Variants in MARK2 observed in about 807,000 individuals in gnomAD.
MARK2 encodes the protein serine/threonine-protein kinase MARK2.
MARK2 carries 16 observed loss-of-function variants against 89.8 expected under a neutral mutation model. The observed-to-expected ratio is 0.18, with a 90% CI of 0.12 to 0.27. The LOEUF is 0.27. MARK2 is among the 10% of genes least tolerant of loss of function. The pLI is 1.00. For missense variants in MARK2, 621 were observed against 1,049.9 expected (o/e 0.59, Z 5.65); for synonymous variants, 382 against 399.5 (o/e 0.96, Z 0.52).
chr11:63,864,896 C>T (rs1938040184), intron 1 of MARK2, among the ~76,000 whole-genome samples: 1 of 151,990 alleles, frequency 6.6e-6, no homozygotes, highest in African/African-American at 2.4e-5. Context: ...CAATTATGTG[C>T]CTTTTTTCTT....
At chr11:63,882,359 G>T (rs952380349) in intron 1 of MARK2, among the ~76,000 whole-genome samples, 1 of 152,066 alleles carries the variant, frequency 6.6e-6, no homozygotes, top group African/African-American at 2.4e-5. Flanking sequence ...CGAGCTGGGC[G>T]GATCACCTGA....
intron 17 of MARK2, among the ~76,000 whole-genome samples, chr11:63,906,885 C>G (rs1442613683): frequency 4.7e-5 from 7 of 149,186 alleles, no homozygotes; most frequent in Non-Finnish European, 3.0e-5. Flanking sequence ...CTCCTCTAGG[C>G]TGTTTTCTCC....
At chr11:63,865,324 G>A (rs1227365998) in intron 1 of MARK2, among the ~76,000 whole-genome samples, 2 of 151,710 alleles carry the variant, frequency 1.3e-5, no homozygotes, top group Non-Finnish European at 2.9e-5. Flanking sequence ...CTGCAGCCTC[G>A]GCCCCCAAGG....
At chr11:63,851,947 T>TA (rs1229750487) in intron 1 of MARK2, among the ~76,000 whole-genome samples, 1 of 152,186 alleles carries the variant, frequency 6.6e-6, no homozygotes, top group Non-Finnish European at 1.5e-5. Flanking sequence ...TCTGGAGAGA[T>TA]ACTTGAGAAT....
At chr11:63,882,261 C>G (rs1465186172) in intron 1 of MARK2, among the ~76,000 whole-genome samples, 1 of 151,078 alleles carries the variant, frequency 6.6e-6, no homozygotes, top group African/African-American at 2.4e-5. Flanking sequence ...CCACCATGCC[C>G]AGCCTGAAAT....
In MARK2 at chr11:63,887,372, G is replaced by A. The variant is rs146823705; in HGVS notation, c.55-7787G>A. Reference sequence around the variant, plus strand: ...AACCTCTGAATGCCAATTTCTCAATGGAAAACAGGGAGACTACCTACCCTA... The same window carrying A: ...AACCTCTGAATGCCAATTTCTCAATAGAAAACAGGGAGACTACCTACCCTA... On this transcript the variant is annotated intron_variant, in intron 1 of 18. Transcript: ENST00000402010. 1.3e-3 allele frequency among the ~76,000 whole-genome samples: 193 copies of A among 152,328 alleles called. 2 individuals carry two copies. Among genetic ancestry groups the A allele is most frequent in the Non-Finnish European group, 1.2e-3 (79 of 68,026 alleles).
At position 63,856,321 on chromosome 11, in the gene MARK2, G is replaced by GTT. The variant is rs1358748879; in HGVS notation, c.54+16776_54+16777dup. Among the ~76,000 whole-genome samples, 104 of 52,680 alleles carry GTT rather than the reference G, an allele frequency of 2.0e-3. 1 individual carries two copies. The highest frequency in any genetic ancestry group is 4.0e-3 in the African/African-American group (93 of 23,140). The allele number at this position is 52,680 out of a possible 152,430, so 34.6% of individuals were successfully genotyped here. A position where few individuals can be genotyped will look rare whatever the true frequency, so the allele number is the denominator to read the frequency against. On this transcript the variant is annotated intron_variant, in intron 1 of 18. Coordinates refer to ENST00000402010, the MANE Select transcript of MARK2 (RefSeq NM_001039469.3). ...CTGGCCCTGTGGGTTTTTTTTTTTT[G>GTT]TTTTTTTTTTTTTTTTAAATATATG... is the stretch of plus-strand genomic sequence containing the variant.
At chr11:63,908,231 C>G in intron 17 of MARK2, 29 bp from the exon 18 acceptor site, 2 of 1,551,302 alleles carry the variant, frequency 1.3e-6, no homozygotes, top group Non-Finnish European at 1.7e-6. Flanking sequence ...GATCCCAGCA[C>G]TAAACTCTCC....
chr11:63,906,802 A>G (rs1941373821), intron 17 of MARK2, among the ~76,000 whole-genome samples: 1 of 151,264 alleles, frequency 6.6e-6, no homozygotes, highest in African/African-American at 2.4e-5. Flanking sequence ...CTCCTGCAGA[A>G]CTAGCCCCAC....
chr11:63,876,203 A>T (rs1312378258), intron 1 of MARK2, among the ~76,000 whole-genome samples: 1 of 152,064 alleles, frequency 6.6e-6, no homozygotes, highest in Non-Finnish European at 1.5e-5. Context: ...AGTTCAAGCC[A>T]TGTGTGTAGA....
rs1941654071 is a variant in MARK2 at position 63,910,078 on chromosome 11, G to C, written c.*841G>C. 6.6e-6 allele frequency: 1 copy of C among 152,422 alleles called. No individual in the cohort carries two copies. Among genetic ancestry groups the C allele is most frequent in the Non-Finnish European group, 1.5e-5 (1 of 68,178 alleles). 9.4% of individuals were successfully genotyped at this position (152,422 alleles called of 1,614,324 possible). On this transcript the variant is annotated 3_prime_UTR_variant, in exon 19 of 19. Coordinates refer to ENST00000402010, the MANE Select transcript of MARK2 (RefSeq NM_001039469.3). The stretch of plus-strand genomic sequence containing the variant: ...GAAGGAGGGGCTGACCCCAGGGCTG[G>C]GAGAGGGGAGGGGACTGGAGGGCAG...
chr11:63,873,896 C>T (rs1938596440), intron 1 of MARK2, among the ~76,000 whole-genome samples: 1 of 152,254 alleles, frequency 6.6e-6, no homozygotes. Flanking sequence ...ATCCGCCTGC[C>T]TCGGCCTCCC....
intron 1 of MARK2, among the ~76,000 whole-genome samples, chr11:63,856,901 G>A (rs752534402): frequency 5.2e-4 from 76 of 146,322 alleles, no homozygotes; most frequent in Non-Finnish European, 1.0e-3. Flanking sequence ...TCTGCCTCCC[G>A]GGTTCACGCC....
intron 1 of MARK2, among the ~76,000 whole-genome samples, chr11:63,892,904 ATT>A (rs896527484): frequency 8.7e-5 from 10 of 114,694 alleles, no homozygotes; most frequent in Admixed American, 2.6e-4. Context: ...TGATTTCTTA[ATT>A]TTTTTTTTTT....
Position 63,902,118 on chromosome 11 carries a change from G to A in MARK2, c.1102-80G>A, listed in dbSNP as rs144020014. 499 of 1,497,544 alleles carry A rather than the reference G, an allele frequency of 3.3e-4. No individual in the cohort carries two copies. In the African/African-American group the frequency reaches 6.1e-3, roughly 18 times the overall value. 92.8% of individuals were successfully genotyped at this position (1,497,544 alleles called of 1,614,324 possible). A position where few individuals can be genotyped will look rare whatever the true frequency, so the allele number is the denominator to read the frequency against. ...GGGTGTTTGAGTGTTGGGAGAGGGC[G>A]GTATGTGTAAATGTGTCCATCCATA... On this transcript the variant is annotated intron_variant, in intron 11 of 18. Transcript: ENST00000402010. This position sits in a 1 kb window ranked among gnomAD's most constrained non-coding sequence, Gnocchi z 4.2.
At chr11:63,844,476 A>G (rs2016180194) in intron 1 of MARK2, among the ~76,000 whole-genome samples, 1 of 152,168 alleles carries the variant, frequency 6.6e-6, no homozygotes, top group African/African-American at 2.4e-5. Context: ...AGAGCAAGAC[A>G]CTATCTCAGA....
Position 63,846,657 on chromosome 11 carries a change from A to ATTT in MARK2, c.54+7111_54+7113dup, listed in dbSNP as rs1302877853. 1.1e-4 allele frequency among the ~76,000 whole-genome samples: 15 copies of ATTT among 134,914 alleles called. No homozygotes were observed. In the South Asian group the frequency reaches 2.7e-3, roughly 24 times the overall value. The allele number at this position is 134,914 out of a possible 152,430, so 88.5% of individuals were successfully genotyped here. ...GAGTCACCCCGCCTGGCCAAAAAAA[A>ATTT]TTTTTTTTTTTTTTTTGAGACGTTG... On this transcript the variant is annotated intron_variant, in intron 1 of 18. Coordinates refer to ENST00000402010, the MANE Select transcript of MARK2 (RefSeq NM_001039469.3).
At chr11:63,885,028 T>C (rs193167081) in intron 1 of MARK2, among the ~76,000 whole-genome samples, 434 of 151,770 alleles carry the variant, frequency 2.9e-3, no homozygotes, top group African/African-American at 1.0e-2. Context: ...CATGGAGAAA[T>C]CCTGTCTGTA....
At chr11:63,878,409 C>A (rs529103346) in intron 1 of MARK2, among the ~76,000 whole-genome samples, 7 of 135,538 alleles carry the variant, frequency 5.2e-5, no homozygotes, top group Non-Finnish European at 7.6e-5. Flanking sequence ...CTCGCTCTGT[C>A]GCCTAGGCTG....
Sources: gnomAD v4.1 joint callset for allele counts (sites outside exome capture counted in the v4.1 genomes callset) on GRCh38, gnomAD v4.1.1 for gene constraint, Gnocchi (gnomAD v3.1) non-coding constraint, MANE v1.5 for transcripts, NCBI Gene and HGNC (gene_info 2026-07-23, HGNC 2026-07-21) for gene names.